CACNA1E: variants seen among roughly 807,000 people sequenced by gnomAD.
The protein encoded by CACNA1E is calcium voltage-gated channel subunit alpha1 E, also known as voltage-dependent R-type calcium channel subunit alpha-1E.
Under a neutral mutation model 259.2 loss-of-function variants are expected in CACNA1E, and 40 were observed. That is an observed-to-expected ratio of 0.15 (90% CI 0.12 to 0.20). The LOEUF is 0.20. Ranked by LOEUF, CACNA1E falls within the 10% of genes least tolerant of loss-of-function variation. CACNA1E has a pLI of 1.00. For synonymous variants in CACNA1E, 1,104 were observed against 1,138.5 expected, an observed-to-expected ratio of 0.97 and a Z score of 0.61; for missense variants, 1,874 against 3,040.1, an observed-to-expected ratio of 0.62 and a Z score of 9.02.
chr1:181,717,112 C>T lies in CACNA1E; in HGVS notation c.1335C>T (p.Ala445=). ...ISSVGTPLAR[A]SIKSAKVDGV... is the part of the protein sequence containing the mutation. Reference sequence around the variant, plus strand: ...TCTTAGGCACACCTCTGGCCCGAGCCAGTATCAAAAGTGCAAAGGTAGACG... The same window carrying T: ...TCTTAGGCACACCTCTGGCCCGAGCTAGTATCAAAAGTGCAAAGGTAGACG... The change falls in exon 11 of 48, where the codon GCC becomes GCT. Residue 445 remains alanine, a synonymous_variant. Coordinates refer to ENST00000367573, the MANE Select transcript of CACNA1E (RefSeq NM_001205293.3). 6.2e-7 allele frequency: 1 copy of T among 1,614,022 alleles called. No individual in the cohort carries two copies. Among genetic ancestry groups the T allele is most frequent in the Admixed American group, 1.7e-5 (1 of 60,030 alleles).
intron 7 of CACNA1E, among the ~76,000 whole-genome samples, chr1:181,697,892 A>G (rs1572632783): frequency 1.3e-5 from 2 of 152,198 alleles, no homozygotes; most frequent in East Asian, 3.8e-4. Flanking sequence ...ATAAATACAT[A>G]AGGGTGGACT....
At chr1:181,638,762 C>T (rs764979353) in intron 6 of CACNA1E, among the ~76,000 whole-genome samples, 12 of 152,200 alleles carry the variant, frequency 7.9e-5, no homozygotes, top group African/African-American at 2.9e-4. Flanking sequence ...TGAGTGAATT[C>T]TCACAAGATC....
chr1:181,342,310 A>G (rs1034033576), intron 1 of CACNA1E, among the ~76,000 whole-genome samples: 4 of 152,136 alleles, frequency 2.6e-5, no homozygotes, highest in Non-Finnish European at 5.9e-5. Context: ...GTATGATAAG[A>G]TGATTTTTGG....
chr1:181,758,721 C>A lies in CACNA1E; in HGVS notation c.4495-37C>A. ...ATGTATTCCCCCTCTTACCTTAAGG[C>A]TGTGATTCTTTCTCTCTTCTTTTTT... On this transcript the variant is annotated intron_variant, in intron 31 of 47. Coordinates refer to ENST00000367573, the MANE Select transcript of CACNA1E (RefSeq NM_001205293.3). This position sits in a 1 kb window ranked among gnomAD's most constrained non-coding sequence, Gnocchi z 4.2. The A allele has an allele frequency of 8.4e-7, 1 of 1,188,718 alleles. No individual in the cohort carries two copies. The allele number at this position is 1,188,718 out of a possible 1,614,324, so 73.6% of individuals were successfully genotyped here. A position where few individuals can be genotyped will look rare whatever the true frequency, so the allele number is the denominator to read the frequency against.
chr1:181,697,427 A>G (rs1651817727), intron 7 of CACNA1E, among the ~76,000 whole-genome samples: 1 of 152,252 alleles, frequency 6.6e-6, no homozygotes, highest in South Asian at 2.1e-4. Context: ...ATCAAAGCAG[A>G]TAGTGCTTAC....
intron 6 of CACNA1E, among the ~76,000 whole-genome samples, chr1:181,633,886 G>T (rs548399190): frequency 4.7e-4 from 72 of 152,312 alleles, no homozygotes; most frequent in African/African-American, 1.6e-3. Flanking sequence ...GCATGGAGAG[G>T]TTAAGGGATT....
chr1:181,633,395 A>G (rs1033071082), intron 6 of CACNA1E, among the ~76,000 whole-genome samples: 1 of 152,176 alleles, frequency 6.6e-6, no homozygotes, highest in Admixed American at 6.5e-5. Flanking sequence ...CATGCAATGT[A>G]GAGATGAGGC....
At chr1:181,329,857 G>A (rs1444942886) in intron 1 of CACNA1E, among the ~76,000 whole-genome samples, 4 of 152,180 alleles carry the variant, frequency 2.6e-5, no homozygotes, top group African/African-American at 7.2e-5. Flanking sequence ...GACTGTGTTT[G>A]CATTGTTCAT....
At chr1:181,531,746 T>C (rs1667797918) in intron 3 of CACNA1E, among the ~76,000 whole-genome samples, 1 of 152,134 alleles carries the variant, frequency 6.6e-6, no homozygotes, top group Non-Finnish European at 1.5e-5. Flanking sequence ...AGTCCAGCTG[T>C]GGGACTGAGG....
chr1:181,398,631 G>A (rs983551774), intron 1 of CACNA1E, among the ~76,000 whole-genome samples: 1 of 152,148 alleles, frequency 6.6e-6, no homozygotes, highest in African/African-American at 2.4e-5. Context: ...CAGGGTGTGC[G>A]GAGTGCCCTC....
At chr1:181,337,980 A>G (rs1454537045) in intron 1 of CACNA1E, among the ~76,000 whole-genome samples, 2 of 152,198 alleles carry the variant, frequency 1.3e-5, no homozygotes, top group Non-Finnish European at 2.9e-5. Context: ...TCCTACCAAC[A>G]ATGTACAAGA....
At chr1:181,757,303 C>T (rs1444157687) in intron 30 of CACNA1E, among the ~76,000 whole-genome samples, 177 bp downstream of exon 30, 1 of 152,136 alleles carries the variant, frequency 6.6e-6, no homozygotes, top group Non-Finnish European at 1.5e-5. Context: ...GTTTAAGGCC[C>T]ACGTATGAGG....
At chr1:181,322,994 A>G (rs1214867533) in intron 1 of CACNA1E, among the ~76,000 whole-genome samples, 2 of 152,134 alleles carry the variant, frequency 1.3e-5, no homozygotes, top group South Asian at 2.1e-4. Flanking sequence ...GTTTTCATAT[A>G]ATTTCTAACC....
At chr1:181,579,945 T>A (rs541502772) in intron 5 of CACNA1E, among the ~76,000 whole-genome samples, 2 of 152,210 alleles carry the variant, frequency 1.3e-5, no homozygotes, top group East Asian at 1.9e-4. Context: ...ATTGTTAGGG[T>A]ACACAACCCC....
At chr1:181,502,382 G>A (rs1327710505) in intron 1 of CACNA1E, among the ~76,000 whole-genome samples, 5 of 152,132 alleles carry the variant, frequency 3.3e-5, no homozygotes, top group Non-Finnish European at 7.4e-5. Context: ...AGTTCTGTCT[G>A]TTTATTCCCT....
In CACNA1E at chr1:181,758,185, C is replaced by T; in HGVS notation, c.4494+74C>T. The T allele has an allele frequency of 3.8e-6, 5 of 1,317,974 alleles. No individual in the cohort carries two copies. In the Admixed American group the frequency reaches 7.2e-5, roughly 19 times the overall value. The allele number at this position is 1,317,974 out of a possible 1,614,324, so 81.6% of individuals were successfully genotyped here. On this transcript the variant is annotated intron_variant, in intron 31 of 47. Coordinates refer to ENST00000367573, the MANE Select transcript of CACNA1E (RefSeq NM_001205293.3). The surrounding 1 kb of genome is among the most constrained non-coding windows in gnomAD (Gnocchi z 4.2). ...CTCCCAGGGCAAGTGGGAAGACACC[C>T]CAACATCCCAGCCCATCACTGCTTT...
At chr1:181,570,427 T>A (rs1171389473) in intron 3 of CACNA1E, among the ~76,000 whole-genome samples, 1 of 152,254 alleles carries the variant, frequency 6.6e-6, no homozygotes, top group African/African-American at 2.4e-5. Flanking sequence ...TTTCCCAGAA[T>A]CTCTGACCTT....
intron 3 of CACNA1E, among the ~76,000 whole-genome samples, chr1:181,515,425 C>G (rs748675207): frequency 2.0e-5 from 3 of 152,158 alleles, no homozygotes; most frequent in Non-Finnish European, 4.4e-5. Context: ...ATTCACTCAC[C>G]AATTCATTAA....
intron 10 of CACNA1E, among the ~76,000 whole-genome samples, chr1:181,716,434 G>C (rs1653907870): frequency 1.3e-5 from 2 of 152,140 alleles, no homozygotes; most frequent in Admixed American, 6.5e-5. Flanking sequence ...TCCTGGGAGT[G>C]ATGATGAGAA....
Sources: allele counts gnomAD v4.1 joint callset (sites outside exome capture counted in the v4.1 genomes callset), GRCh38; gene constraint gnomAD v4.1.1; non-coding constraint Gnocchi (gnomAD v3.1); transcripts MANE v1.5; gene names NCBI Gene and HGNC (gene_info 2026-07-23, HGNC 2026-07-21).